PARD6G: variants seen among roughly 807,000 people sequenced by gnomAD.
PARD6G encodes the protein partitioning defective 6 homolog gamma.
PARD6G carries 7 observed loss-of-function variants against 10.7 expected under a neutral mutation model. The observed-to-expected ratio is 0.66, with a 90% confidence interval of 0.37 to 1.23. The LOEUF (loss-of-function observed/expected upper bound fraction) is 1.23, where lower values mean the gene tolerates loss of function less well. Ranked by LOEUF, PARD6G falls within the 50% of genes most tolerant of loss-of-function variation. The pLI, the probability that PARD6G is intolerant of heterozygous loss-of-function variation, is 0.02. For synonymous variants in PARD6G, 287 were observed against 269.4 expected (o/e 1.07, Z -0.64); for missense variants, 548 against 571.8 (o/e 0.96, Z 0.42).
intron 2 of PARD6G, among the ~76,000 whole-genome samples, chr18:80,194,177 C>G (rs1375977078): frequency 6.6e-6 from 1 of 152,140 alleles, no homozygotes; most frequent in Non-Finnish European, 1.5e-5. Flanking sequence ...GAACAGGGAT[C>G]CTCCTGGCCA....
intron 1 of PARD6G, among the ~76,000 whole-genome samples, chr18:80,219,631 T>A (rs144371582): frequency 6.6e-6 from 1 of 152,210 alleles, no homozygotes; most frequent in African/African-American, 2.4e-5. Flanking sequence ...ATCTCTCAAG[T>A]TCAAAGTTCC....
At chr18:80,241,361 CCT>C (rs1482840918) in intron 1 of PARD6G, among the ~76,000 whole-genome samples, 1 of 152,150 alleles carries the variant, frequency 6.6e-6, no homozygotes, top group East Asian at 1.9e-4. Context: ...AGTGAAGCAC[CCT>C]GTGACTCAGT....
In PARD6G at chr18:80,182,868, GT is replaced by G. The variant is rs2052855019; in HGVS notation, c.295+19841del. On this transcript the variant is annotated intron_variant, in intron 2 of 2. Coordinates refer to ENST00000353265, the MANE Select transcript of PARD6G (RefSeq NM_032510.4). The surrounding 1 kb of genome is among the most constrained non-coding windows in gnomAD (Gnocchi z 4.5). ...GAGAACTTTTAAATCTGATGTTATA[GT>G]TTTATTTCTTAGTTCTAGGTACAGG... is the stretch of plus-strand genomic sequence containing the variant. 2.1e-6 allele frequency: 1 copy of G among 475,340 alleles called. No homozygotes were observed. Among genetic ancestry groups the G allele is most frequent in the Non-Finnish European group, 3.7e-6 (1 of 268,916 alleles). The allele number at this position is 475,340 out of a possible 1,614,324, so 29.4% of individuals were successfully genotyped here.
chr18:80,204,141 C>A (rs193031939), intron 1 of PARD6G, among the ~76,000 whole-genome samples: 1 of 152,234 alleles, frequency 6.6e-6, no homozygotes, highest in Admixed American at 6.5e-5. Context: ...CCTCACTCGG[C>A]AATTCGGGAT....
intron 2 of PARD6G, among the ~76,000 whole-genome samples, chr18:80,190,695 G>GA (rs983231115): frequency 2.8e-4 from 42 of 152,260 alleles, no homozygotes; most frequent in African/African-American, 9.9e-4. Context: ...GGAGGTATTG[G>GA]AGACCATGGA....
chr18:80,202,622 T>C lies in PARD6G; in HGVS notation c.295+88A>G, dbSNP rs1164661196. The C allele has an allele frequency of 6.1e-6, 7 of 1,141,626 alleles. No homozygotes were observed. In the African/African-American group the frequency reaches 6.3e-5, roughly 10 times the overall value. 70.7% of individuals were successfully genotyped at this position (1,141,626 alleles called of 1,614,324 possible). On this transcript the variant is annotated intron_variant, in intron 2 of 2. Coordinates refer to ENST00000353265, the MANE Select transcript of PARD6G (RefSeq NM_032510.4). ...ACTACAGGTTAGAAAACGAACCACATAGTCCTGTAATGACAGAAAAAATTG... is the reference window on the plus strand; with the variant it reads ...ACTACAGGTTAGAAAACGAACCACACAGTCCTGTAATGACAGAAAAAATTG...
At chr18:80,242,594 G>A (rs1245935123) in intron 1 of PARD6G, among the ~76,000 whole-genome samples, 1 of 152,224 alleles carries the variant, frequency 6.6e-6, no homozygotes, top group Non-Finnish European at 1.5e-5. Flanking sequence ...TCATCCTGGA[G>A]GGCCCAAGTT....
chr18:80,230,626 G>GC (rs1967347720), intron 1 of PARD6G, among the ~76,000 whole-genome samples: 1 of 152,172 alleles, frequency 6.6e-6, no homozygotes, highest in Non-Finnish European at 1.5e-5. Flanking sequence ...GTACCCTGTG[G>GC]CCCCTCTGAG....
At chr18:80,195,568 TATATAC>T (rs111725905) in intron 2 of PARD6G, among the ~76,000 whole-genome samples, 20,055 of 122,150 alleles carry the variant, frequency 0.16, 2,015 homozygotes, top group African/African-American at 0.26. Flanking sequence ...TATATATATA[TATATAC>T]ACACATTTTT....
rs1244071447 is a variant in PARD6G at position 80,182,348 on chromosome 18, ACT to A, written c.295+20360_295+20361del. On this transcript the variant is annotated intron_variant, in intron 2 of 2. Transcript: ENST00000353265. The surrounding 1 kb of genome is among the most constrained non-coding windows in gnomAD (Gnocchi z 4.5). Reference sequence around the variant, plus strand: ...CCCCAGTATCCACAAGGAGGGACAAACTCTCACATGGACAGTGAGGGTGTGAC... The same window carrying A: ...CCCCAGTATCCACAAGGAGGGACAAACTCACATGGACAGTGAGGGTGTGAC... Among the ~76,000 whole-genome samples the A allele has an allele frequency of 6.6e-6, 1 of 152,186 alleles. No individual in the cohort carries two copies. The highest frequency in any genetic ancestry group is 1.5e-5 in the Non-Finnish European group (1 of 68,032).
At position 80,189,056 on chromosome 18, in the gene PARD6G, T is replaced by G. The variant is rs1371872558; in HGVS notation, c.295+13654A>C. Reference sequence around the variant, plus strand: ...TTCTAGGGGCTGCCCACGTGTCACTTCCACCCCAGATCTGGCTTCATGGCC... The same window carrying G: ...TTCTAGGGGCTGCCCACGTGTCACTGCCACCCCAGATCTGGCTTCATGGCC... On this transcript the variant is annotated intron_variant, in intron 2 of 2. Transcript: ENST00000353265. This position sits in a 1 kb window ranked among gnomAD's most constrained non-coding sequence, Gnocchi z 5.5. Among the ~76,000 whole-genome samples, 1 of 152,200 alleles carries G rather than the reference T, an allele frequency of 6.6e-6. No individual in the cohort carries two copies.
In PARD6G at chr18:80,228,555, A is replaced by C. The variant is rs1366329224; in HGVS notation, c.72+18722T>G. Reference sequence around the variant, plus strand: ...TCTCTCGTCTAAGGTCCCAGACACCACAGGGTCTTGGCCCCCAGGCCCACA... The same window carrying C: ...TCTCTCGTCTAAGGTCCCAGACACCCCAGGGTCTTGGCCCCCAGGCCCACA... On this transcript the variant is annotated intron_variant, in intron 1 of 2. Coordinates refer to ENST00000353265, the MANE Select transcript of PARD6G (RefSeq NM_032510.4). The surrounding 1 kb of genome is among the most constrained non-coding windows in gnomAD (Gnocchi z 4.6). Among the ~76,000 whole-genome samples the C allele has an allele frequency of 7.0e-6, 1 of 142,146 alleles. No homozygotes were observed. The highest frequency in any genetic ancestry group is 1.5e-5 in the Non-Finnish European group (1 of 66,178). The allele number at this position is 142,146 out of a possible 152,430, so 93.3% of individuals were successfully genotyped here.
In PARD6G at chr18:80,160,600, G is replaced by A; in HGVS notation, c.302C>T (p.Ala101Val). Residue 101 changes from alanine to valine, a missense_variant, in exon 3 of 3, where the codon GCC (alanine) becomes GTC (valine). Around this residue, in one of 2 missense-constraint regions of PARD6G, gnomAD observed 235 missense variants for 291.9 expected, o/e 0.81. Transcript: ENST00000353265. The stretch of plus-strand genomic sequence containing the variant: ...GCCCGCGCCGAGGCTGCCACGCTCG[G>A]CCTCCTCTGCGGGAGAGGGGACAGT... ...LRVFIQKREE[A>V]ERGSLGAGSL... 4.2e-6 allele frequency: 6 copies of A among 1,444,876 alleles called. No homozygotes were observed. The highest frequency in any genetic ancestry group is 3.6e-6 in the Non-Finnish European group (4 of 1,103,814). 89.5% of individuals were successfully genotyped at this position (1,444,876 alleles called of 1,614,324 possible).
intron 2 of PARD6G, among the ~76,000 whole-genome samples, chr18:80,162,786 A>C (rs2052709359): frequency 6.6e-6 from 1 of 152,148 alleles, no homozygotes; most frequent in African/African-American, 2.4e-5. Context: ...GGGATCAACA[A>C]CACAAAGTTC....
At chr18:80,187,951 C>T (rs2052889005) in intron 2 of PARD6G, 1 of 152,230 alleles carries the variant, frequency 6.6e-6, no homozygotes, top group African/African-American at 2.4e-5. Flanking sequence ...TGGTGAGTAT[C>T]TGTGTATCTA....
At chr18:80,227,215 G>A (rs952405787) in intron 1 of PARD6G, among the ~76,000 whole-genome samples, 7 of 152,222 alleles carry the variant, frequency 4.6e-5, no homozygotes, top group African/African-American at 1.7e-4. Flanking sequence ...TCCTGCCTCA[G>A]CCTCCCAAAT....
chr18:80,209,568 T>C (rs1284902031), intron 1 of PARD6G, among the ~76,000 whole-genome samples: 2 of 152,214 alleles, frequency 1.3e-5, no homozygotes, highest in African/African-American at 4.8e-5. Flanking sequence ...CCCAGGACTT[T>C]GGGAGGCCAA....
At chr18:80,191,080 G>A (rs1421077877) in intron 2 of PARD6G, among the ~76,000 whole-genome samples, 2 of 152,170 alleles carry the variant, frequency 1.3e-5, no homozygotes, top group African/African-American at 4.8e-5. Context: ...AACACCAGGT[G>A]GATGAGTATT....
chr18:80,203,758 T>A (rs936953723), intron 1 of PARD6G, among the ~76,000 whole-genome samples: 1 of 152,164 alleles, frequency 6.6e-6, no homozygotes, highest in Non-Finnish European at 1.5e-5. Flanking sequence ...ATTAAGACCT[T>A]ACGGGTCTTA....
Sources: gnomAD v4.1 joint callset for allele counts (sites outside exome capture counted in the v4.1 genomes callset) on GRCh38, gnomAD v4.1.1 for gene constraint, gnomAD v4.1.1 regional missense constraint, Gnocchi (gnomAD v3.1) non-coding constraint, MANE v1.5 for transcripts, NCBI Gene and HGNC (gene_info 2026-07-23, HGNC 2026-07-21) for gene names.